SHISA9: variants seen among roughly 807,000 people sequenced by gnomAD.
SHISA9 encodes the protein protein shisa-9.
Under a neutral mutation model 38.0 loss-of-function variants are expected in SHISA9, and 13 were observed. The ratio of observed to expected loss-of-function variants is 0.34; its 90% confidence interval spans 0.22 to 0.54. SHISA9 has a LOEUF of 0.54. Ranked by LOEUF, SHISA9 falls within the 20% of genes least tolerant of loss-of-function variation. The pLI is 0.91. For synonymous variants in SHISA9, 275 were observed against 242.0 expected (o/e 1.14, Z -1.27); for missense variants, 538 against 575.8 (o/e 0.93, Z 0.67).
chr16:13,193,185 A>G (rs577424987), intron 2 of SHISA9, among the ~76,000 whole-genome samples: 24 of 152,270 alleles, frequency 1.6e-4, no homozygotes, highest in Admixed American at 6.5e-4. Context: ...AGTTTTGCCA[A>G]CAGACAACCT....
At chr16:13,210,601 AC>A (rs1404050502) in intron 3 of SHISA9, among the ~76,000 whole-genome samples, 1 of 152,166 alleles carries the variant, frequency 6.6e-6, no homozygotes, top group Non-Finnish European at 1.5e-5. Flanking sequence ...ATGAGTGAAA[AC>A]CCTAAAAGCC....
At chr16:12,919,335 C>A (rs180754044) in intron 2 of SHISA9, among the ~76,000 whole-genome samples, 2 of 152,268 alleles carry the variant, frequency 1.3e-5, no homozygotes, top group Admixed American at 1.3e-4. Flanking sequence ...AAGAATGATG[C>A]ATCTATTTGT....
At chr16:13,227,488 G>T (rs145963741) in intron 4 of SHISA9, among the ~76,000 whole-genome samples, 2 of 152,218 alleles carry the variant, frequency 1.3e-5, no homozygotes. Flanking sequence ...CACGTGAGAT[G>T]TAAGGAAAAG....
At chr16:13,430,360 T>C in the SHISA9 span, among the ~76,000 whole-genome samples, 1 of 152,184 alleles carries the variant, frequency 6.6e-6, no homozygotes. Context: ...GATTCTTATG[T>C]ATTTAGGGAC....
the SHISA9 span, among the ~76,000 whole-genome samples, chr16:13,549,213 G>C: frequency 1.3e-5 from 2 of 152,192 alleles, no homozygotes; most frequent in Non-Finnish European, 2.9e-5. Flanking sequence ...GAGACTGGGA[G>C]TGTAGGAGGT....
At chr16:13,378,750 G>A in the SHISA9 span, among the ~76,000 whole-genome samples, 2 of 152,162 alleles carry the variant, frequency 1.3e-5, no homozygotes, top group African/African-American at 4.8e-5. Context: ...ACCTATGAGT[G>A]CCCAATAACC....
the SHISA9 span, among the ~76,000 whole-genome samples, chr16:13,452,374 A>T: frequency 6.6e-6 from 1 of 152,314 alleles, no homozygotes; most frequent in African/African-American, 2.4e-5. Context: ...TATTCCAGCC[A>T]TTATTTCCAG....
At chr16:13,260,339 G>A in the SHISA9 span, among the ~76,000 whole-genome samples, 1 of 151,898 alleles carries the variant, frequency 6.6e-6, no homozygotes, top group African/African-American at 2.4e-5. Flanking sequence ...CTATTGCATA[G>A]TCAGGCTGCA....
intron 2 of SHISA9, among the ~76,000 whole-genome samples, chr16:13,175,769 T>C (rs910084694): frequency 1.3e-4 from 20 of 152,344 alleles, no homozygotes; most frequent in African/African-American, 4.8e-4. Flanking sequence ...CCAATGCTAG[T>C]AGCCTCCCCT....
At chr16:13,077,084 C>G (rs958261754) in intron 2 of SHISA9, among the ~76,000 whole-genome samples, 3 of 152,118 alleles carry the variant, frequency 2.0e-5, no homozygotes, top group African/African-American at 7.2e-5. Context: ...ATGCCAAGGG[C>G]AAAAGTACAG....
chr16:13,325,011 G>A, the SHISA9 span, among the ~76,000 whole-genome samples: 1 of 152,156 alleles, frequency 6.6e-6, no homozygotes, highest in Non-Finnish European at 1.5e-5. Flanking sequence ...GTTTAGATAA[G>A]CGGGATTGGG....
chr16:13,073,969 GT>G (rs11315393), intron 2 of SHISA9, among the ~76,000 whole-genome samples: 31,180 of 127,460 alleles, frequency 0.24, 4,362 homozygotes, highest in African/African-American at 0.45. Context: ...TTTTTTTTTT[GT>G]TTTTTTTTTT....
chr16:13,497,098 T>C, the SHISA9 span, among the ~76,000 whole-genome samples: 2 of 152,228 alleles, frequency 1.3e-5, no homozygotes, highest in Non-Finnish European at 2.9e-5. Flanking sequence ...AAGGAACATC[T>C]TGTCCTGCCA....
chr16:13,555,501 A>G, the SHISA9 span, among the ~76,000 whole-genome samples: 1 of 152,212 alleles, frequency 6.6e-6, no homozygotes, highest in African/African-American at 2.4e-5. Context: ...ATGAGAAGAA[A>G]CAATTTTGAA....
At chr16:13,508,097 T>C in the SHISA9 span, among the ~76,000 whole-genome samples, 1 of 152,224 alleles carries the variant, frequency 6.6e-6, no homozygotes, top group Non-Finnish European at 1.5e-5. Flanking sequence ...ATCTCTCATC[T>C]AAATTCTCTG....
chr16:13,405,941 C>CA, the SHISA9 span, among the ~76,000 whole-genome samples: 1,706 of 105,340 alleles, frequency 0.016, 25 homozygotes, highest in African/African-American at 0.047. Context: ...GAAATCATGA[C>CA]AAAAAAAAAA....
chr16:13,186,344 C>T (rs894131290), intron 2 of SHISA9, among the ~76,000 whole-genome samples: 1 of 128,222 alleles, frequency 7.8e-6, no homozygotes, highest in Admixed American at 1.0e-4. Context: ...GTCACCCAGG[C>T]TGGAGTGCAG....
intron 2 of SHISA9, among the ~76,000 whole-genome samples, chr16:13,128,177 G>A (rs151205186): frequency 2.1e-4 from 32 of 152,266 alleles, no homozygotes; most frequent in South Asian, 6.2e-4. Flanking sequence ...CTGATTTTCT[G>A]AGCCCAGAAC....
intron 2 of SHISA9, among the ~76,000 whole-genome samples, chr16:13,196,013 G>T (rs1261341152): frequency 1.4e-5 from 2 of 140,600 alleles, no homozygotes; most frequent in South Asian, 4.9e-4. Flanking sequence ...GCTTGAACCC[G>T]GGAGGCAGAG....
Sources: gnomAD v4.1 joint callset for allele counts (sites outside exome capture counted in the v4.1 genomes callset) on GRCh38, gnomAD v4.1.1 for gene constraint, MANE v1.5 for transcripts, NCBI Gene and HGNC (gene_info 2026-07-23, HGNC 2026-07-21) for gene names.